The following CHCHD3 variants were observed in gnomAD, a reference collection of about 807,000 sequenced individuals.
CHCHD3 encodes coiled-coil-helix-coiled-coil-helix domain containing 3.
Under a neutral mutation model 38.2 loss-of-function variants are expected in CHCHD3, and 20 were observed. That is an observed-to-expected ratio of 0.52 (90% CI 0.37 to 0.76). The LOEUF (loss-of-function observed/expected upper bound fraction) is 0.76. Among genes scored for constraint, CHCHD3 ranks in the 30% least tolerant of loss-of-function variants. The probability of loss-of-function intolerance (pLI) is 0.00; values close to 1 mark genes in which losing one functional copy is unlikely to be tolerated. For synonymous variants in CHCHD3, 82 were observed against 100.0 expected (o/e 0.82, Z 1.07); for missense variants, 245 against 279.2 (o/e 0.88, Z 0.87).
chr7:132,805,942 C>G (rs968104948), intron 6 of CHCHD3, among the ~76,000 whole-genome samples: 1 of 152,168 alleles, frequency 6.6e-6, no homozygotes, highest in African/African-American at 2.4e-5. Context: ...ACCTCCTCAC[C>G]ACGATCTAAA....
At chr7:132,984,896 G>T (rs1429342839) in intron 3 of CHCHD3, among the ~76,000 whole-genome samples, 1 of 99,918 alleles carries the variant, frequency 1.0e-5, no homozygotes, top group Non-Finnish European at 2.2e-5. Context: ...CCGGGAGGGA[G>T]GTGGGGGGGT....
intron 3 of CHCHD3, among the ~76,000 whole-genome samples, chr7:132,983,296 C>G (rs1461161869): frequency 6.6e-6 from 1 of 152,208 alleles, no homozygotes; most frequent in Non-Finnish European, 1.5e-5. Flanking sequence ...GCACTCCAGC[C>G]TGGGTGACAG....
chr7:132,816,163 C>G (rs1807196568), intron 6 of CHCHD3, among the ~76,000 whole-genome samples: 1 of 152,188 alleles, frequency 6.6e-6, no homozygotes, highest in African/African-American at 2.4e-5. Flanking sequence ...TTCCAATAAG[C>G]ACCTTGCCAT....
rs1343824613 is a variant in CHCHD3, at chr7:132,785,341, T to C, written c.*296A>G. The C allele has an allele frequency of 2.5e-6, 1 of 394,066 alleles. No individual in the cohort carries two copies. 24.4% of individuals were successfully genotyped at this position (394,066 alleles called of 1,614,324 possible). A position where few individuals can be genotyped will look rare whatever the true frequency, so the allele number is the denominator to read the frequency against. ...AGAAACATTTTATGGTCAGTGCAAG[T>C]TGAATAGAAAGTACCAAAAGGTGGA... On this transcript the variant is annotated 3_prime_UTR_variant, in exon 8 of 8. Transcript: ENST00000262570.
intron 5 of CHCHD3, among the ~76,000 whole-genome samples, chr7:132,872,099 G>A (rs1343788693): frequency 6.6e-6 from 1 of 152,204 alleles, no homozygotes; most frequent in Non-Finnish European, 1.5e-5. Context: ...GTAGTTAATT[G>A]AGTGGTACAT....
At chr7:132,876,234 G>A (rs1808893305) in intron 5 of CHCHD3, among the ~76,000 whole-genome samples, 1 of 152,150 alleles carries the variant, frequency 6.6e-6, no homozygotes, top group Non-Finnish European at 1.5e-5. Flanking sequence ...TGGATGTGAA[G>A]AAAATTCAAA....
chr7:132,966,009 A>C lies in CHCHD3; in HGVS notation c.369+9160T>G, dbSNP rs549736319. ...TAATCATAAATTATTGGTGCTGATCATTCCACTGTATTTTTTTCAAAATAG... is the reference window on the plus strand; with the variant it reads ...TAATCATAAATTATTGGTGCTGATCCTTCCACTGTATTTTTTTCAAAATAG... On this transcript the variant is annotated intron_variant, in intron 4 of 7. Coordinates refer to ENST00000262570, the MANE Select transcript of CHCHD3 (RefSeq NM_017812.4). Among the ~76,000 whole-genome samples, 4 of 152,380 alleles carry C rather than the reference A, an allele frequency of 2.6e-5. No homozygotes were observed. In the South Asian group the frequency reaches 8.3e-4, roughly 32 times the overall value.
chr7:132,913,668 A>G (rs1418609936), intron 4 of CHCHD3, among the ~76,000 whole-genome samples: 2 of 152,254 alleles, frequency 1.3e-5, no homozygotes, highest in Admixed American at 1.3e-4. Context: ...CATCATGTCC[A>G]GGATGAACAA....
At chr7:132,926,758 TTCTA>T (rs1810388138) in intron 4 of CHCHD3, among the ~76,000 whole-genome samples, 1 of 152,208 alleles carries the variant, frequency 6.6e-6, no homozygotes, top group African/African-American at 2.4e-5. Context: ...TCTAGATTAC[TTCTA>T]TCTAACACAA....
chr7:133,001,866 T>C (rs907954189), intron 3 of CHCHD3, among the ~76,000 whole-genome samples: 1 of 152,176 alleles, frequency 6.6e-6, no homozygotes, highest in Non-Finnish European at 1.5e-5. Context: ...AGCGTTTACT[T>C]TGATTCTGTG....
intron 4 of CHCHD3, among the ~76,000 whole-genome samples, chr7:132,892,029 T>C (rs1305196994): frequency 1.3e-5 from 2 of 152,330 alleles, no homozygotes; most frequent in Admixed American, 1.3e-4. Flanking sequence ...AGTATCTTTA[T>C]AGCAGTGTGA....
intron 5 of CHCHD3, among the ~76,000 whole-genome samples, chr7:132,851,547 C>T (rs912252745): frequency 6.6e-6 from 1 of 152,160 alleles, no homozygotes; most frequent in African/African-American, 2.4e-5. Flanking sequence ...ACACCTGAGA[C>T]CTTTCTGCTT....
intron 6 of CHCHD3, among the ~76,000 whole-genome samples, chr7:132,827,492 TG>T (rs1807535437): frequency 6.6e-6 from 1 of 152,240 alleles, no homozygotes; most frequent in Non-Finnish European, 1.5e-5. Flanking sequence ...TTTCAACTTG[TG>T]GCATCATGTT....
At chr7:133,006,845 A>G (rs926820231) in intron 3 of CHCHD3, among the ~76,000 whole-genome samples, 1 of 152,330 alleles carries the variant, frequency 6.6e-6, no homozygotes, top group Admixed American at 6.5e-5. Context: ...AATGTCTAAT[A>G]GTGAACTACA....
intron 3 of CHCHD3, among the ~76,000 whole-genome samples, chr7:133,000,396 G>T (rs943627642): frequency 6.6e-6 from 1 of 152,026 alleles, no homozygotes; most frequent in Non-Finnish European, 1.5e-5. Context: ...CATTTTTACC[G>T]AGCACAATCC....
At position 132,785,079 on chromosome 7, in the gene CHCHD3, T is replaced by C. The variant is rs1277298791; in HGVS notation, c.*558A>G. The C allele has an allele frequency of 6.5e-6, 1 of 152,924 alleles. No homozygotes were observed. Among genetic ancestry groups the C allele is most frequent in the Non-Finnish European group, 1.5e-5 (1 of 68,154 alleles). 9.5% of individuals were successfully genotyped at this position (152,924 alleles called of 1,614,324 possible). A position where few individuals can be genotyped will look rare whatever the true frequency, so the allele number is the denominator to read the frequency against. ...ATCACCATAATAAGTTATAATGAAATAGCTCTTACATAATCAAAGGAGAAA... is the reference window on the plus strand; with the variant it reads ...ATCACCATAATAAGTTATAATGAAACAGCTCTTACATAATCAAAGGAGAAA... On this transcript the variant is annotated 3_prime_UTR_variant, in exon 8 of 8. Coordinates refer to ENST00000262570, the MANE Select transcript of CHCHD3 (RefSeq NM_017812.4).
chr7:133,067,861 A>T (rs961110885), intron 2 of CHCHD3, among the ~76,000 whole-genome samples: 7 of 152,216 alleles, frequency 4.6e-5, no homozygotes, highest in Non-Finnish European at 7.3e-5. Flanking sequence ...TCACGCCTGT[A>T]ATCCCAGCAC....
chr7:132,990,226 T>C (rs1480523347), intron 3 of CHCHD3, among the ~76,000 whole-genome samples: 1 of 152,138 alleles, frequency 6.6e-6, no homozygotes, highest in East Asian at 1.9e-4. Flanking sequence ...GAGGAAATGC[T>C]CATGCTTGAC....
chr7:133,023,082 T>C (rs961751005), intron 3 of CHCHD3, among the ~76,000 whole-genome samples: 2 of 152,128 alleles, frequency 1.3e-5, no homozygotes, highest in African/African-American at 4.8e-5. Flanking sequence ...TTTTTAAAAA[T>C]TGATTCTGAA....
Sources: gnomAD v4.1 joint callset for allele counts (sites outside exome capture counted in the v4.1 genomes callset) on GRCh38, gnomAD v4.1.1 for gene constraint, MANE v1.5 for transcripts, NCBI Gene and HGNC (gene_info 2026-07-23, HGNC 2026-07-21) for gene names.